Variants in GDPD1 observed in about 807,000 individuals in gnomAD.
GDPD1 encodes the protein lysophospholipase D GDPD1.
GDPD1 carries 28 observed loss-of-function variants against 45.1 expected under a neutral mutation model. That is an observed-to-expected ratio of 0.62 (90% CI 0.46 to 0.85). GDPD1 has a LOEUF of 0.85. Among genes scored for constraint, GDPD1 ranks in the 40% least tolerant of loss-of-function variants. The probability of loss-of-function intolerance (pLI) is 0.00; values close to 1 mark genes in which losing one functional copy is unlikely to be tolerated. For missense variants in GDPD1, 256 were observed against 364.8 expected, an observed-to-expected ratio of 0.70 and a Z score of 2.43; for synonymous variants, 139 against 131.4, an observed-to-expected ratio of 1.06 and a Z score of -0.40.
At chr17:59,242,080 T>C (rs1213446348) in intron 2 of GDPD1, among the ~76,000 whole-genome samples, 4 of 152,184 alleles carry the variant, frequency 2.6e-5, no homozygotes, top group Non-Finnish European at 5.9e-5. Context: ...TGTTTGTTTT[T>C]GAGACAGAGT....
Position 59,257,119 on chromosome 17 carries a change from C to T in GDPD1, c.368-3C>T, listed in dbSNP as rs1422923706. On this transcript the variant is annotated splice_region_variant and splice_polypyrimidine_tract_variant and intron_variant, in intron 4 of 9. Coordinates refer to ENST00000284116, the MANE Select transcript of GDPD1 (RefSeq NM_182569.4). The stretch of plus-strand genomic sequence containing the variant: ...AATACATTTAAAAATCTTGCTTTCT[C>T]AGCATGCCAGTGTGAAGGAAAAGAT... 2 of 1,511,954 alleles carry T rather than the reference C, an allele frequency of 1.3e-6. No individual in the cohort carries two copies. The highest frequency in any genetic ancestry group is 1.7e-4 in the Middle Eastern group (1 of 5,834). The allele number at this position is 1,511,954 out of a possible 1,614,324, so 93.7% of individuals were successfully genotyped here.
At chr17:59,237,159 G>A (rs1339078128) in intron 2 of GDPD1, among the ~76,000 whole-genome samples, 4 of 152,072 alleles carry the variant, frequency 2.6e-5, no homozygotes, top group African/African-American at 9.7e-5. Context: ...AGCACTTTGG[G>A]AGGCCAAGGC....
At chr17:59,267,227 AG>A in intron 7 of GDPD1, 53 bp downstream of exon 7, 2 of 1,497,282 alleles carry the variant, frequency 1.3e-6, no homozygotes, top group Non-Finnish European at 1.8e-6. Flanking sequence ...AGAAAGACTA[AG>A]ATAAAAGCTC....
intron 7 of GDPD1, 79 bp from the exon 8 acceptor site, chr17:59,270,856 AT>A: frequency 1.1e-6 from 1 of 903,594 alleles, no homozygotes; most frequent in Non-Finnish European, 1.8e-6. Context: ...CACTGTTTTC[AT>A]TTTTGAATTT....
At chr17:59,222,187 T>A (rs189114436) in intron 1 of GDPD1, among the ~76,000 whole-genome samples, 3 of 152,208 alleles carry the variant, frequency 2.0e-5, no homozygotes, top group Non-Finnish European at 4.4e-5. Flanking sequence ...TTTTTCTTTT[T>A]GTGTTTTTGT....
intron 2 of GDPD1, among the ~76,000 whole-genome samples, chr17:59,238,367 C>A (rs1369790287): frequency 1.3e-5 from 2 of 151,148 alleles, no homozygotes; most frequent in Non-Finnish European, 2.9e-5. Context: ...CATGCTTTCA[C>A]AAACACCATC....
At chr17:59,223,702 G>A (rs915011420) in intron 1 of GDPD1, among the ~76,000 whole-genome samples, 2 of 152,172 alleles carry the variant, frequency 1.3e-5, no homozygotes, top group Non-Finnish European at 2.9e-5. Context: ...TGTGTATAAA[G>A]TATATGCAAC....
intron 6 of GDPD1, among the ~76,000 whole-genome samples, chr17:59,263,331 AG>A (rs1464374109): frequency 6.6e-6 from 1 of 152,038 alleles, no homozygotes; most frequent in Non-Finnish European, 1.5e-5. Context: ...TCAAAATAAA[AG>A]GCTCACTTTT....
intron 1 of GDPD1, among the ~76,000 whole-genome samples, chr17:59,222,522 T>TTTTTTTTTTTTTTTTTTC (rs2047014113): frequency 7.5e-6 from 1 of 132,532 alleles, no homozygotes; most frequent in Non-Finnish European, 1.6e-5. Flanking sequence ...TTTTTTTTTT[T>TTTTTTTTTTTTTTTTTTC]TTTTTTTTTG....
At chr17:59,257,364 T>A (rs1442977611) in intron 5 of GDPD1, 124 bp downstream of exon 5, 17 of 608,006 alleles carry the variant, frequency 2.8e-5, no homozygotes, top group Non-Finnish European at 4.6e-5. Context: ...GGATCAGCAT[T>A]GTTTTAAATA....
At position 59,273,636 on chromosome 17, in the gene GDPD1, A is replaced by G; in HGVS notation, c.823-15A>G. The G allele has an allele frequency of 7.2e-7, 1 of 1,394,578 alleles. No individual in the cohort carries two copies. The highest frequency in any genetic ancestry group is 9.9e-7 in the Non-Finnish European group (1 of 1,009,028). The allele number at this position is 1,394,578 out of a possible 1,614,324, so 86.4% of individuals were successfully genotyped here. On this transcript the variant is annotated splice_polypyrimidine_tract_variant and intron_variant, in intron 9 of 9. Coordinates refer to ENST00000284116, the MANE Select transcript of GDPD1 (RefSeq NM_182569.4). The stretch of plus-strand genomic sequence containing the variant: ...TAACATTTCTTCTCATACTTCTCAC[A>G]CTTCTAATTTTCAGGTGTATATTTG...
intron 4 of GDPD1, among the ~76,000 whole-genome samples, chr17:59,256,635 A>T (rs1433504112): frequency 6.6e-6 from 1 of 152,128 alleles, no homozygotes; most frequent in African/African-American, 2.4e-5. Flanking sequence ...GACATCTTTT[A>T]AAAAATTATG....
intron 1 of GDPD1, among the ~76,000 whole-genome samples, chr17:59,228,170 T>TA (rs36140380): frequency 0.014 from 1,261 of 91,636 alleles, 26 homozygotes; most frequent in African/African-American, 0.032. Flanking sequence ...AGACTCCATC[T>TA]AAAAAAAAAA....
At position 59,275,151 on chromosome 17, in the gene GDPD1, A is replaced by G; in HGVS notation, c.*1378A>G. On this transcript the variant is annotated 3_prime_UTR_variant, in exon 10 of 10. Coordinates refer to ENST00000284116, the MANE Select transcript of GDPD1 (RefSeq NM_182569.4). ...ACCACTGCACCCGGCCAGTAAAAGAAATTTTGAAGGCCATTGCAGCTATTT... is the reference window on the plus strand; with the variant it reads ...ACCACTGCACCCGGCCAGTAAAAGAGATTTTGAAGGCCATTGCAGCTATTT... 1.3e-6 allele frequency: 2 copies of G among 1,537,050 alleles called. No individual in the cohort carries two copies. Among genetic ancestry groups the G allele is most frequent in the Non-Finnish European group, 1.7e-6 (2 of 1,146,674 alleles).
chr17:59,264,571 T>G (rs894123086), intron 6 of GDPD1, among the ~76,000 whole-genome samples: 3 of 151,394 alleles, frequency 2.0e-5, no homozygotes, highest in African/African-American at 7.3e-5. Flanking sequence ...GGATTACAAG[T>G]GTGAGTCACC....
At chr17:59,264,730 A>C (rs2047385237) in intron 6 of GDPD1, among the ~76,000 whole-genome samples, 1 of 152,202 alleles carries the variant, frequency 6.6e-6, no homozygotes, top group South Asian at 2.1e-4. Flanking sequence ...AAGTAAGCCA[A>C]GAACATTACA....
At chr17:59,236,531 T>A (rs1335358848) in intron 2 of GDPD1, among the ~76,000 whole-genome samples, 1 of 152,140 alleles carries the variant, frequency 6.6e-6, no homozygotes, top group Non-Finnish European at 1.5e-5. Flanking sequence ...AGTCTTGCTC[T>A]GTCACCCAGG....
At chr17:59,225,818 T>A (rs533072997) in intron 1 of GDPD1, among the ~76,000 whole-genome samples, 1 of 152,060 alleles carries the variant, frequency 6.6e-6, no homozygotes, top group Admixed American at 6.6e-5. Context: ...ACCTCTAGGG[T>A]TCAAGTGATT....
intron 4 of GDPD1, 29 bp from the exon 5 acceptor site, chr17:59,257,093 A>C: frequency 8.6e-7 from 1 of 1,156,156 alleles, no homozygotes; most frequent in Non-Finnish European, 1.3e-6. Flanking sequence ...TATATTTAAA[A>C]AATACATTTA....
Sources: gnomAD v4.1 joint callset for allele counts (sites outside exome capture counted in the v4.1 genomes callset) on GRCh38, gnomAD v4.1.1 for gene constraint, MANE v1.5 for transcripts, NCBI Gene and HGNC (gene_info 2026-07-23, HGNC 2026-07-21) for gene names.